Variants in LRBA observed in about 807,000 individuals in gnomAD.
LRBA encodes LPS responsive beige-like anchor protein, also known as lipopolysaccharide-responsive and beige-like anchor protein.
A neutral mutation model predicts 330.0 loss-of-function variants in LRBA; 176 were observed. The observed-to-expected ratio is 0.53, with a 90% CI of 0.47 to 0.60. The LOEUF (loss-of-function observed/expected upper bound fraction) is 0.60, where lower values mean the gene tolerates loss of function less well. LRBA is among the 20% of genes least tolerant of loss of function. The pLI, the probability that LRBA is intolerant of heterozygous loss-of-function variation, is 0.00. For missense variants in LRBA, 3,259 were observed against 3,444.8 expected (o/e 0.95, Z 1.35); for synonymous variants, 1,230 against 1,193.0 (o/e 1.03, Z -0.64).
chr4:150,998,512 T>C (rs1742960583), intron 2 of LRBA, among the ~76,000 whole-genome samples: 1 of 151,962 alleles, frequency 6.6e-6, no homozygotes. Context: ...CACTACCACG[T>C]AGACCTGATT....
chr4:150,940,610 A>G (rs1039724828), intron 2 of LRBA, among the ~76,000 whole-genome samples: 1 of 152,150 alleles, frequency 6.6e-6, no homozygotes, highest in Non-Finnish European at 1.5e-5. Context: ...TTTTACACAT[A>G]CATTTTTAAA....
intron 46 of LRBA, 33 bp downstream of exon 46, chr4:150,435,556 C>G (rs140411484): frequency 1.3e-6 from 2 of 1,587,626 alleles, no homozygotes; most frequent in Non-Finnish European, 1.7e-6. Context: ...AATGCACTGG[C>G]AATAACAACT....
In LRBA at chr4:150,849,504, T is replaced by C. The variant is rs750594092; in HGVS notation, c.4076A>G (p.His1359Arg). Residue 1359 changes from histidine (H) to arginine (R), a missense_variant, in exon 25 of 57, where the codon CAT (histidine) becomes CGT (arginine). By Grantham distance (29) the His-to-Arg change is conservative. Coordinates refer to ENST00000651943, the MANE Select transcript of LRBA (RefSeq NM_001364905.1). ...ATTGTCCATCACTTGAGAGATGAGA[T>C]GAATTGTGTTGTGTACAAAGATGAC... ...DNVIFVHNTI[H>R]LISQVMDNMV... 6 of 1,613,108 alleles carry C rather than the reference T, an allele frequency of 3.7e-6. No individual in the cohort carries two copies. In the South Asian group the frequency reaches 5.5e-5, roughly 15 times the overall value.
At chr4:150,366,384 T>C (rs1345912457) in intron 47 of LRBA, among the ~76,000 whole-genome samples, 2 of 152,242 alleles carry the variant, frequency 1.3e-5, no homozygotes, top group Non-Finnish European at 2.9e-5. Context: ...ACCACTGTAG[T>C]TAAATTCAAC....
intron 2 of LRBA, among the ~76,000 whole-genome samples, chr4:150,990,999 G>C (rs1412696086): frequency 1.3e-5 from 2 of 150,312 alleles, no homozygotes; most frequent in Admixed American, 1.3e-4. Context: ...GTTGCACTGA[G>C]CTGAGATTGT....
At chr4:150,948,192 A>T (rs1444107128) in intron 2 of LRBA, among the ~76,000 whole-genome samples, 2 of 152,086 alleles carry the variant, frequency 1.3e-5, no homozygotes, top group Non-Finnish European at 2.9e-5. Context: ...AAAGAGAAAG[A>T]TAAAGTAGAA....
chr4:150,617,332 G>A (rs1775861130), intron 37 of LRBA, among the ~76,000 whole-genome samples: 1 of 152,154 alleles, frequency 6.6e-6, no homozygotes, highest in African/African-American at 2.4e-5. Context: ...TTAAAATCTA[G>A]ACTTTTAAAA....
chr4:150,583,305 C>T lies in LRBA; in HGVS notation c.6330+4743G>A. Reference sequence around the variant, plus strand: ...GCGTCTTCAACTTCGTGGACGACGGCTCGCTGCCCGGCTGCGCAGTGCTCA... The same window carrying T: ...GCGTCTTCAACTTCGTGGACGACGGTTCGCTGCCCGGCTGCGCAGTGCTCA... On this transcript the variant is annotated intron_variant, in intron 40 of 56. Coordinates refer to ENST00000651943, the MANE Select transcript of LRBA (RefSeq NM_001364905.1). This position sits in a 1 kb window ranked among gnomAD's most constrained non-coding sequence, Gnocchi z 9.8. The T allele has an allele frequency of 6.2e-7, 1 of 1,614,220 alleles. No homozygotes were observed. The highest frequency in any genetic ancestry group is 2.2e-5 in the East Asian group (1 of 44,870).
intron 13 of LRBA, 131 bp downstream of exon 13, chr4:150,905,707 C>CA: frequency 1.4e-6 from 1 of 740,216 alleles, no homozygotes; most frequent in South Asian, 2.6e-5. Flanking sequence ...GATGCTTAGT[C>CA]AAAAAAAGCA....
At chr4:150,398,150 T>C (rs925620737) in intron 47 of LRBA, among the ~76,000 whole-genome samples, 3 of 152,152 alleles carry the variant, frequency 2.0e-5, no homozygotes, top group Admixed American at 6.6e-5. Context: ...AATAGAAATA[T>C]GTGAGATGGT....
In LRBA at chr4:150,314,270, T is replaced by A. The variant is rs1731442347; in HGVS notation, c.7693+1291A>T. Among the ~76,000 whole-genome samples, 3 of 152,240 alleles carry A rather than the reference T, an allele frequency of 2.0e-5. No individual in the cohort carries two copies. In the South Asian group the frequency reaches 6.2e-4, roughly 32 times the overall value. On this transcript the variant is annotated intron_variant, in intron 51 of 56. Coordinates refer to ENST00000651943, the MANE Select transcript of LRBA (RefSeq NM_001364905.1). ...TTTCCTGACTTTTAAACTACCCAAG[T>A]GAGCATTTTAGTTTTTTTAATATAT...
intron 51 of LRBA, chr4:150,315,219 A>C (rs62344547): frequency 2.9e-6 from 1 of 342,272 alleles, no homozygotes; most frequent in South Asian, 3.4e-5. Flanking sequence ...CCAATTCATC[A>C]TAACGTGCCT....
chr4:150,782,541 GTC>G (rs749241919), intron 34 of LRBA, among the ~76,000 whole-genome samples: 56 of 152,268 alleles, frequency 3.7e-4, no homozygotes, highest in Middle Eastern at 3.4e-3. Context: ...AGAAAACAGG[GTC>G]TCTCTGCTCC....
rs1164395715 is a variant in LRBA at position 150,617,937 on chromosome 4, T to A, written c.5922-18806A>T. On this transcript the variant is annotated intron_variant, in intron 37 of 56. Transcript: ENST00000651943. ...ACCTGGGCAACATGGTGAAACCCCATCTCTACAAAAAATACAAAAAGCTGA... is the reference window on the plus strand; with the variant it reads ...ACCTGGGCAACATGGTGAAACCCCAACTCTACAAAAAATACAAAAAGCTGA... Among the ~76,000 whole-genome samples, 4 of 152,112 alleles carry A rather than the reference T, an allele frequency of 2.6e-5. No individual in the cohort carries two copies. The East Asian group carries it at 7.8e-4, about 30-fold the overall frequency.
chr4:150,506,272 C>CA (rs1358552633), intron 40 of LRBA, among the ~76,000 whole-genome samples: 2 of 151,544 alleles, frequency 1.3e-5, no homozygotes, highest in African/African-American at 2.4e-5. Flanking sequence ...GAGACACAAC[C>CA]AAAAAAGAGA....
chr4:150,878,704 T>G (rs996042675), intron 17 of LRBA, among the ~76,000 whole-genome samples: 6 of 151,990 alleles, frequency 3.9e-5, no homozygotes, highest in Middle Eastern at 3.4e-3. Context: ...GAGACAATTA[T>G]GAACACCTCT....
At chr4:150,339,937 G>C (rs890954108) in intron 48 of LRBA, among the ~76,000 whole-genome samples, 1 of 148,510 alleles carries the variant, frequency 6.7e-6, no homozygotes, top group Non-Finnish European at 1.5e-5. Flanking sequence ...TCCCCACATC[G>C]TGAGAAGGAC....
intron 47 of LRBA, among the ~76,000 whole-genome samples, chr4:150,412,619 G>A (rs971802393): frequency 2.0e-5 from 3 of 152,068 alleles, no homozygotes; most frequent in African/African-American, 4.8e-5. Context: ...TTATTCAAAT[G>A]TTTCTGCCTT....
At chr4:150,267,536 G>T (rs1745517229) in intron 56 of LRBA, among the ~76,000 whole-genome samples, 1 of 152,138 alleles carries the variant, frequency 6.6e-6, no homozygotes, top group African/African-American at 2.4e-5. Context: ...TGCTAAAATG[G>T]AAATTTTTAG....
Sources: allele counts gnomAD v4.1 joint callset (sites outside exome capture counted in the v4.1 genomes callset), GRCh38; gene constraint gnomAD v4.1.1; non-coding constraint Gnocchi (gnomAD v3.1); transcripts MANE v1.5; gene names NCBI Gene and HGNC (gene_info 2026-07-23, HGNC 2026-07-21).